Variants in TENM1 observed in about 807,000 individuals in gnomAD.
TENM1 encodes the protein teneurin transmembrane protein 1.
In TENM1, 35 loss-of-function variants were observed where a neutral mutation model predicts 174.8. That is an observed-to-expected ratio of 0.20 (90% CI 0.15 to 0.27). TENM1 has a LOEUF of 0.27. Among genes scored for constraint, TENM1 ranks in the 10% least tolerant of loss-of-function variants. TENM1 has a pLI of 1.00. For synonymous variants in TENM1, 781 were observed against 798.7 expected, an observed-to-expected ratio of 0.98 and a Z score of 0.37; for missense variants, 1,633 against 2,130.1, an observed-to-expected ratio of 0.77 and a Z score of 4.59.
rs779543217 is a variant in TENM1 at position 124,403,992 on chromosome X, G to C, written c.5391+1039C>G. 9.5e-4 allele frequency among the ~76,000 whole-genome samples: 106 copies of C among 111,681 alleles called. 1 individual carries two copies. The highest frequency in any genetic ancestry group is 3.3e-3 in the African/African-American group (101 of 30,713). ...CAATAGGGGAACGACACAGCAACACGTGCGTCAGGGATAAGAGCCCCTTCC... is the reference window on the plus strand; with the variant it reads ...CAATAGGGGAACGACACAGCAACACCTGCGTCAGGGATAAGAGCCCCTTCC... On this transcript the variant is annotated intron_variant, in intron 27 of 31. Coordinates refer to ENST00000422452, the Ensembl canonical transcript of TENM1.
intron 11 of TENM1, among the ~76,000 whole-genome samples, chrX:124,627,900 T>C (rs1191780756): frequency 9.0e-6 from 1 of 111,673 alleles, no homozygotes. Flanking sequence ...TTCCCCAGCC[T>C]ATATTCTATA....
At chrX:125,168,091 G>A in the TENM1 span, among the ~76,000 whole-genome samples, 4 of 111,610 alleles carry the variant, frequency 3.6e-5, no homozygotes, top group African/African-American at 1.3e-4. Flanking sequence ...GGAACTCATA[G>A]CTATGAGTAA....
chrX:125,152,331 G>A, the TENM1 span, among the ~76,000 whole-genome samples: 8 of 110,991 alleles, frequency 7.2e-5, no homozygotes, highest in African/African-American at 2.6e-4. Flanking sequence ...GAAAGTAAGA[G>A]ATGACTTGAC....
chrX:125,079,935 G>C, the TENM1 span, among the ~76,000 whole-genome samples: 1 of 111,118 alleles, frequency 9.0e-6, no homozygotes, highest in Non-Finnish European at 1.9e-5. Flanking sequence ...TAATGTAAGA[G>C]AACCACTGGA....
chrX:124,542,504 A>G (rs2048342455), intron 15 of TENM1, among the ~76,000 whole-genome samples: 2 of 110,208 alleles, frequency 1.8e-5, no homozygotes, highest in Admixed American at 1.9e-4. Flanking sequence ...GAAATTTTCA[A>G]TTAAGGGTAG....
At chrX:125,144,054 T>C in the TENM1 span, among the ~76,000 whole-genome samples, 4 of 111,677 alleles carry the variant, frequency 3.6e-5, no homozygotes, top group Non-Finnish European at 7.5e-5. Context: ...TGTCTGAGTA[T>C]CATTCTGGAG....
At chrX:125,047,002 T>C in the TENM1 span, among the ~76,000 whole-genome samples, 1 of 110,470 alleles carries the variant, frequency 9.1e-6, no homozygotes, top group Non-Finnish European at 1.9e-5. Context: ...GAATATTCTT[T>C]AAAAGCAGTG....
At chrX:124,716,382 A>G (rs758421255) in intron 4 of TENM1, among the ~76,000 whole-genome samples, 16 of 112,060 alleles carry the variant, frequency 1.4e-4, no homozygotes, top group African/African-American at 4.5e-4. Flanking sequence ...GTAAAGTGTG[A>G]GCAAAAGTGA....
the TENM1 span, among the ~76,000 whole-genome samples, chrX:125,010,980 C>G: frequency 4.5e-5 from 5 of 111,201 alleles, no homozygotes; most frequent in Non-Finnish European, 9.4e-5. Flanking sequence ...GGTACCCAAA[C>G]AGACATATAG....
intron 12 of TENM1, among the ~76,000 whole-genome samples, chrX:124,564,568 C>A (rs967751541): frequency 3.6e-5 from 4 of 111,359 alleles, no homozygotes; most frequent in Non-Finnish European, 7.5e-5. Flanking sequence ...CAATGGGAAT[C>A]ATACTTGTTA....
At chrX:125,182,856 T>C in the TENM1 span, among the ~76,000 whole-genome samples, 1 of 111,843 alleles carries the variant, frequency 8.9e-6, no homozygotes, top group Non-Finnish European at 1.9e-5. Flanking sequence ...TTCAGAGCTG[T>C]ACATATCTTG....
intron 23 of TENM1, among the ~76,000 whole-genome samples, chrX:124,431,443 G>A (rs1044670026): frequency 5.4e-5 from 6 of 111,890 alleles, no homozygotes; most frequent in Non-Finnish European, 1.1e-4. Flanking sequence ...CCAGCCCTGG[G>A]GAAGATACAG....
At chrX:124,663,553 G>C (rs923240872) in intron 6 of TENM1, among the ~76,000 whole-genome samples, 1 of 111,765 alleles carries the variant, frequency 8.9e-6, no homozygotes, top group Admixed American at 9.5e-5. Context: ...CTCTACAATG[G>C]ACTAGCTCCT....
At chrX:124,621,629 G>A (rs750220330) in intron 11 of TENM1, among the ~76,000 whole-genome samples, 11 of 112,224 alleles carry the variant, frequency 9.8e-5, no homozygotes, top group African/African-American at 3.6e-4. Flanking sequence ...CATTTTGACT[G>A]TGACCCATCA....
chrX:124,884,342 C>G (rs2057349498), intron 3 of TENM1, among the ~76,000 whole-genome samples: 2 of 107,491 alleles, frequency 1.9e-5, no homozygotes, highest in Non-Finnish European at 3.8e-5. Context: ...AGACCGAGCT[C>G]TCAAAATGGT....
the TENM1 span, among the ~76,000 whole-genome samples, chrX:125,076,360 CTT>C: frequency 1.2e-5 from 1 of 83,003 alleles, no homozygotes; most frequent in Non-Finnish European, 2.1e-5. Context: ...TGATAAAAAA[CTT>C]TTCATGGTAA....
intron 25 of TENM1, among the ~76,000 whole-genome samples, chrX:124,409,625 G>T (rs1428620744): frequency 1.8e-5 from 2 of 108,283 alleles, no homozygotes; most frequent in African/African-American, 6.8e-5. Context: ...AAACCCCATT[G>T]TCTCAGCCCA....
the TENM1 span, among the ~76,000 whole-genome samples, chrX:125,152,649 C>T: frequency 8.9e-6 from 1 of 112,100 alleles, no homozygotes; most frequent in Admixed American, 9.4e-5. Flanking sequence ...TTGTGACAAC[C>T]AAGTTTATTG....
upstream of TENM1, among the ~76,000 whole-genome samples, chrX:124,964,858 AACTG>A (rs1474689438): frequency 8.9e-6 from 1 of 112,276 alleles, no homozygotes; most frequent in Middle Eastern, 4.2e-3. Flanking sequence ...TTTGCAGTGA[AACTG>A]ACTCTTTTAT....
Sources: gnomAD v4.1 joint callset for allele counts (sites outside exome capture counted in the v4.1 genomes callset) on GRCh38, gnomAD v4.1.1 for gene constraint, MANE v1.5 for transcripts, NCBI Gene and HGNC (gene_info 2026-07-23, HGNC 2026-07-21) for gene names.